The following PPP2R2C variants were observed in gnomAD, a reference collection of about 807,000 sequenced individuals.
PPP2R2C encodes the protein protein phosphatase 2, regulatory subunit B, gamma.
In PPP2R2C, 10 loss-of-function variants were observed where a neutral mutation model predicts 45.3. That is an observed-to-expected ratio of 0.22 (90% CI 0.14 to 0.37). The LOEUF is 0.37. Ranked by LOEUF, PPP2R2C falls within the 10% of genes least tolerant of loss-of-function variation. The pLI is 1.00. For missense variants in PPP2R2C, 308 were observed against 619.7 expected, an observed-to-expected ratio of 0.50 and a Z score of 5.34; for synonymous variants, 257 against 245.4, an observed-to-expected ratio of 1.05 and a Z score of -0.44.
At chr4:6,443,187 C>A (rs1041386037) in intron 1 of PPP2R2C, among the ~76,000 whole-genome samples, 3 of 152,166 alleles carry the variant, frequency 2.0e-5, no homozygotes, top group African/African-American at 7.2e-5. Context: ...TTGTTAGGAT[C>A]CCCTCCAGCC....
At chr4:6,531,165 C>G (rs1242033147) in intron 2 of PPP2R2C, among the ~76,000 whole-genome samples, 4 of 152,218 alleles carry the variant, frequency 2.6e-5, no homozygotes, top group African/African-American at 9.7e-5. Flanking sequence ...GGCTTCCCAC[C>G]CTGAGACAGC....
In PPP2R2C at chr4:6,364,619, C is replaced by T. The variant is rs573178672; in HGVS notation, c.625+7904G>A. Among the ~76,000 whole-genome samples the T allele has an allele frequency of 3.9e-5, 6 of 152,276 alleles. No individual in the cohort carries two copies. The highest frequency in any genetic ancestry group is 2.0e-4 in the Admixed American group (3 of 15,294). On this transcript the variant is annotated intron_variant, in intron 5 of 8. Transcript: ENST00000382599. This position sits in a 1 kb window ranked among gnomAD's most constrained non-coding sequence, Gnocchi z 5.3. ...AGGCTTCCCAGATGTCATCGTAGCA[C>T]CCAGTCCTCAAGCAGCCGTATGGTG...
chr4:6,416,900 G>A (rs931284906), intron 1 of PPP2R2C, among the ~76,000 whole-genome samples: 16 of 152,298 alleles, frequency 1.1e-4, no homozygotes, highest in Admixed American at 2.6e-4. Flanking sequence ...ACTGACTGAC[G>A]CTGGAGTATT....
intron 2 of PPP2R2C, among the ~76,000 whole-genome samples, chr4:6,527,092 C>T (rs975110482): frequency 6.6e-6 from 1 of 152,034 alleles, no homozygotes; most frequent in Admixed American, 6.6e-5. Flanking sequence ...CATTGTAAAT[C>T]GCTTGATCCC....
chr4:6,340,892 C>T (rs1251262251), intron 6 of PPP2R2C, among the ~76,000 whole-genome samples: 1 of 152,280 alleles, frequency 6.6e-6, no homozygotes, highest in East Asian at 1.9e-4. Context: ...CTGTATCCAG[C>T]CACAGGGCCC....
intron 1 of PPP2R2C, among the ~76,000 whole-genome samples, chr4:6,543,147 C>T (rs1724860961): frequency 6.6e-6 from 1 of 152,228 alleles, no homozygotes; most frequent in Admixed American, 6.5e-5. Context: ...CGTGAAGAAG[C>T]AGCCATCTGG....
intron 5 of PPP2R2C, among the ~76,000 whole-genome samples, chr4:6,363,861 C>A (rs904392722): frequency 6.6e-6 from 1 of 152,270 alleles, no homozygotes; most frequent in Non-Finnish European, 1.5e-5. Flanking sequence ...GAAGGTGAAG[C>A]AAACTGCCAG....
chr4:6,553,157 T>A (rs1286967368), intron 1 of PPP2R2C, among the ~76,000 whole-genome samples: 1 of 152,154 alleles, frequency 6.6e-6, no homozygotes, highest in African/African-American at 2.4e-5. Context: ...GCTGTGACCA[T>A]GGAGAGCACA....
At chr4:6,384,588 T>A (rs1716091051) in intron 1 of PPP2R2C, 2 of 985,096 alleles carry the variant, frequency 2.0e-6, no homozygotes, top group South Asian at 4.7e-5. Context: ...GTATATTATT[T>A]TTATGATGGG....
rs368753550 is a variant in PPP2R2C at position 6,391,797 on chromosome 4, C to T, written c.71-10703G>A. Among the ~76,000 whole-genome samples, 10 of 152,340 alleles carry T rather than the reference C, an allele frequency of 6.6e-5. 1 individual carries two copies. The East Asian group carries it at 1.9e-3, about 29-fold the overall frequency. On this transcript the variant is annotated intron_variant, in intron 1 of 8. Coordinates refer to ENST00000382599, the MANE Select transcript of PPP2R2C (RefSeq NM_020416.4). ...GGCCTGGAGGTGCCATGGCTATGCC[C>T]TTTGCATGCAGTGATCCCCCAGAAC...
At chr4:6,347,698 G>A (rs181356899) in intron 6 of PPP2R2C, 148 bp downstream of exon 6, 10 of 1,066,432 alleles carry the variant, frequency 9.4e-6, no homozygotes, top group Middle Eastern at 3.1e-4. Context: ...AGCCAGCGCT[G>A]AAGCAGCAAT....
intron 2 of PPP2R2C, among the ~76,000 whole-genome samples, chr4:6,529,006 C>T (rs568767004): frequency 6.6e-6 from 1 of 152,314 alleles, no homozygotes; most frequent in South Asian, 2.1e-4. Flanking sequence ...TTCACACGGA[C>T]GCGCACTAAA....
Position 6,519,169 on chromosome 4 carries a change from G to C in PPP2R2C, c.49+16102C>G, listed in dbSNP as rs1187152874. 2.0e-5 allele frequency among the ~76,000 whole-genome samples: 3 copies of C among 152,088 alleles called. 1 individual carries two copies. In the South Asian group the frequency reaches 6.2e-4, roughly 31 times the overall value. Reference sequence around the variant, plus strand: ...GCATTCTGCCACCATCCACCCTTCTGACTCCCCTAGAATACCAGCTGTGTT... The same window carrying C: ...GCATTCTGCCACCATCCACCCTTCTCACTCCCCTAGAATACCAGCTGTGTT... On this transcript the variant is annotated intron_variant, in intron 2 of 9. Coordinates refer to the PPP2R2C transcript ENST00000506140.
intron 1 of PPP2R2C, among the ~76,000 whole-genome samples, chr4:6,404,900 C>T (rs972379003): frequency 1.3e-5 from 2 of 152,208 alleles, no homozygotes; most frequent in Non-Finnish European, 2.9e-5. Context: ...CGCCCTGCCC[C>T]GTGTCCTTCC....
chr4:6,398,372 C>T (rs553809699), intron 1 of PPP2R2C, among the ~76,000 whole-genome samples: 1 of 152,050 alleles, frequency 6.6e-6, no homozygotes, highest in Non-Finnish European at 1.5e-5. Context: ...CCTCTTGTAG[C>T]CCGGATGTAT....
intron 2 of PPP2R2C, among the ~76,000 whole-genome samples, chr4:6,501,492 C>T (rs533890612): frequency 2.0e-4 from 30 of 152,316 alleles, no homozygotes; most frequent in African/African-American, 7.0e-4. Flanking sequence ...GGACCATGCC[C>T]CTTCGGAAAT....
intron 2 of PPP2R2C, among the ~76,000 whole-genome samples, chr4:6,508,593 A>C: frequency 6.6e-6 from 1 of 152,106 alleles, no homozygotes; most frequent in Admixed American, 6.5e-5. Flanking sequence ...CATCTCAAAA[A>C]AAAGAAAAAG....
intron 2 of PPP2R2C, among the ~76,000 whole-genome samples, chr4:6,491,203 G>T (rs1722689865): frequency 6.6e-6 from 1 of 152,190 alleles, no homozygotes; most frequent in Admixed American, 6.5e-5. Context: ...TGTATTGTTG[G>T]GTGAATTTGT....
chr4:6,475,745 G>T (rs531523366), upstream of PPP2R2C, among the ~76,000 whole-genome samples: 3 of 152,324 alleles, frequency 2.0e-5, no homozygotes, highest in East Asian at 5.8e-4. Flanking sequence ...GTCTCCCTGT[G>T]CTTCTGTGCC....
Sources: allele counts gnomAD v4.1 joint callset (sites outside exome capture counted in the v4.1 genomes callset), GRCh38; gene constraint gnomAD v4.1.1; non-coding constraint Gnocchi (gnomAD v3.1); transcripts MANE v1.5; gene names NCBI Gene and HGNC (gene_info 2026-07-23, HGNC 2026-07-21).